Variants in GABRG3 observed in about 807,000 individuals in gnomAD.
GABRG3 encodes gamma-aminobutyric acid type A receptor subunit gamma3, also known as gamma-aminobutyric acid receptor subunit gamma-3.
A neutral mutation model predicts 48.8 loss-of-function variants in GABRG3; 25 were observed. That is an observed-to-expected ratio of 0.51 (90% confidence interval 0.37 to 0.72). GABRG3 has a LOEUF of 0.72. Ranked by LOEUF, GABRG3 falls within the 30% of genes least tolerant of loss-of-function variation. GABRG3 has a pLI of 0.00. For missense variants in GABRG3, 394 were observed against 577.9 expected, an observed-to-expected ratio of 0.68 and a Z score of 3.26; for synonymous variants, 227 against 217.6, an observed-to-expected ratio of 1.04 and a Z score of -0.38.
chr15:27,068,124 A>T (rs1896769469), intron 3 of GABRG3, among the ~76,000 whole-genome samples: 1 of 152,232 alleles, frequency 6.6e-6, no homozygotes, highest in Admixed American at 6.5e-5. Context: ...GAAACCTGCC[A>T]GAAATCTACC....
chr15:27,441,772 T>C (rs1436957016), intron 5 of GABRG3, among the ~76,000 whole-genome samples: 1 of 152,172 alleles, frequency 6.6e-6, no homozygotes. Flanking sequence ...GAAGCAGGCA[T>C]GCCCACACAG....
rs908670594 is a variant in GABRG3 at position 26,975,010 on chromosome 15, A to T, written c.54-1992A>T. 1.3e-4 allele frequency among the ~76,000 whole-genome samples: 19 copies of T among 151,690 alleles called. No individual in the cohort carries two copies. The highest frequency in any genetic ancestry group is 5.9e-5 in the Non-Finnish European group (4 of 67,938). The stretch of plus-strand genomic sequence containing the variant: ...TGCCTCAGCCTCCTGAATAGCCAGG[A>T]CTACAGGCATGTGCCACCATGCCCC... On this transcript the variant is annotated intron_variant, in intron 1 of 9. Coordinates refer to ENST00000615808, the MANE Select transcript of GABRG3 (RefSeq NM_033223.5). The surrounding 1 kb of genome is among the most constrained non-coding windows in gnomAD (Gnocchi z 4.6).
At chr15:27,178,369 A>G (rs1389645593) in intron 3 of GABRG3, among the ~76,000 whole-genome samples, 1 of 152,208 alleles carries the variant, frequency 6.6e-6, no homozygotes, top group Non-Finnish European at 1.5e-5. Context: ...GGATGCTGAA[A>G]AGATTAGCTT....
rs190311376 is a variant in GABRG3 at position 27,310,206 on chromosome 15, A to G, written c.271-16603A>G. On this transcript the variant is annotated intron_variant, in intron 3 of 9. Transcript: ENST00000615808. ...AGGGAAGGGGCAATGACAAAAGGCT[A>G]GCAGAAGGGAGTTTTGGGCAGGGGG... Among the ~76,000 whole-genome samples the G allele has an allele frequency of 4.6e-5, 7 of 152,208 alleles. No homozygotes were observed. The East Asian group carries it at 1.4e-3, about 29-fold the overall frequency.
chr15:27,398,128 T>C (rs1887371041), intron 5 of GABRG3, among the ~76,000 whole-genome samples: 1 of 152,104 alleles, frequency 6.6e-6, no homozygotes. Flanking sequence ...TAGTATATAA[T>C]CTATACCATT....
chr15:27,387,947 AG>A (rs1408143287), intron 5 of GABRG3, among the ~76,000 whole-genome samples: 3 of 54,764 alleles, frequency 5.5e-5, no homozygotes, highest in Admixed American at 2.1e-4. Flanking sequence ...AAGGAGGGAA[AG>A]AGGGAGGGAG....
In GABRG3 at chr15:27,454,432, G is replaced by A. The variant is rs79098730; in HGVS notation, c.575-26218G>A. Among the ~76,000 whole-genome samples, 1,092 of 152,230 alleles carry A rather than the reference G, an allele frequency of 7.2e-3. 12 individuals are homozygous for A. Among genetic ancestry groups the A allele is most frequent in the African/African-American group, 0.025 (1,033 of 41,528 alleles). On this transcript the variant is annotated intron_variant, in intron 5 of 9. Transcript: ENST00000615808. ...AGTTGAGTAATGGATTTTTAATAACGTTGCTTCTAAACTGAAAAACATGGT... is the reference window on the plus strand; with the variant it reads ...AGTTGAGTAATGGATTTTTAATAACATTGCTTCTAAACTGAAAAACATGGT...
chr15:27,404,580 G>C (rs1354390871), intron 5 of GABRG3, among the ~76,000 whole-genome samples: 1 of 152,180 alleles, frequency 6.6e-6, no homozygotes, highest in African/African-American at 2.4e-5. Flanking sequence ...GACATTGTCT[G>C]CTCACTGGTA....
chr15:27,102,353 A>C (rs1037729020), intron 3 of GABRG3, among the ~76,000 whole-genome samples: 2 of 152,184 alleles, frequency 1.3e-5, no homozygotes, highest in Admixed American at 1.3e-4. Flanking sequence ...TCCACGAGGG[A>C]GCTAGAAACT....
intron 5 of GABRG3, among the ~76,000 whole-genome samples, chr15:27,468,236 AG>A (rs1889677287): frequency 6.6e-6 from 1 of 152,194 alleles, no homozygotes; most frequent in Admixed American, 6.5e-5. Context: ...CACTCAAGAA[AG>A]GGGAGTGTGG....
intron 6 of GABRG3, among the ~76,000 whole-genome samples, chr15:27,484,009 A>G (rs553817523): frequency 6.6e-6 from 1 of 152,202 alleles, no homozygotes; most frequent in East Asian, 1.9e-4. Context: ...ATCTCGACTC[A>G]CTGCGACCTC....
chr15:27,408,469 T>C lies in GABRG3; in HGVS notation c.575-72181T>C, dbSNP rs557172397. ...ATCCCTCAGGAGAGGCAGGAATGGC[T>C]GCTTTATAGTTCTGAAATTATTTCT... On this transcript the variant is annotated intron_variant, in intron 5 of 9. Coordinates refer to ENST00000615808, the MANE Select transcript of GABRG3 (RefSeq NM_033223.5). 2.0e-5 allele frequency among the ~76,000 whole-genome samples: 3 copies of C among 152,320 alleles called. No homozygotes were observed. In the South Asian group the frequency reaches 6.2e-4, roughly 32 times the overall value.
At chr15:26,989,666 A>G (rs1194813180) in intron 2 of GABRG3, among the ~76,000 whole-genome samples, 1 of 152,308 alleles carries the variant, frequency 6.6e-6, no homozygotes, top group African/African-American at 2.4e-5. Context: ...TAAAATGTAC[A>G]ATTAAATTAT....
intron 3 of GABRG3, among the ~76,000 whole-genome samples, chr15:27,297,527 T>G (rs1370161191): frequency 6.6e-6 from 1 of 152,232 alleles, no homozygotes; most frequent in Admixed American, 6.5e-5. Context: ...TGTGTTACAA[T>G]TCCTTAGAAT....
intron 5 of GABRG3, among the ~76,000 whole-genome samples, chr15:27,458,577 G>A (rs112561269): frequency 6.6e-6 from 1 of 152,194 alleles, no homozygotes; most frequent in East Asian, 1.9e-4. Context: ...CCAGCTGAGA[G>A]GCAATCAATG....
chr15:27,532,502 A>T, intron 9 of GABRG3, 98 bp from the exon 10 acceptor site: 2 of 1,157,348 alleles, frequency 1.7e-6, no homozygotes, highest in Non-Finnish European at 2.4e-6. Context: ...CTCTTTATCT[A>T]TAGGAGACAG....
chr15:27,079,607 C>T (rs920772983), intron 3 of GABRG3, among the ~76,000 whole-genome samples: 1 of 152,236 alleles, frequency 6.6e-6, no homozygotes, highest in East Asian at 1.9e-4. Flanking sequence ...GGAGCCGTTT[C>T]AAGAACCCCT....
At chr15:27,058,529 C>G (rs998149723) in intron 3 of GABRG3, among the ~76,000 whole-genome samples, 1 of 152,102 alleles carries the variant, frequency 6.6e-6, no homozygotes, top group Non-Finnish European at 1.5e-5. Context: ...GTTGTAGCAT[C>G]TTTGAAGTTT....
At chr15:27,287,371 T>C (rs1045137862) in intron 3 of GABRG3, among the ~76,000 whole-genome samples, 3 of 152,158 alleles carry the variant, frequency 2.0e-5, no homozygotes, top group Non-Finnish European at 4.4e-5. Context: ...TACTAAACAG[T>C]GATCCAGTAT....
Sources: allele counts gnomAD v4.1 joint callset (sites outside exome capture counted in the v4.1 genomes callset), GRCh38; gene constraint gnomAD v4.1.1; non-coding constraint Gnocchi (gnomAD v3.1); transcripts MANE v1.5; gene names NCBI Gene and HGNC (gene_info 2026-07-23, HGNC 2026-07-21).